The following DGLUCY variants were observed in gnomAD, a reference collection of about 807,000 sequenced individuals.
DGLUCY encodes D-glutamate cyclase, mitochondrial.
In DGLUCY, 58 loss-of-function variants were observed where a neutral mutation model predicts 58.5. That is an observed-to-expected ratio of 0.99 (90% CI 0.80 to 1.23). The LOEUF is 1.23. Among genes scored for constraint, DGLUCY ranks in the 50% most tolerant of loss-of-function variants. The probability of loss-of-function intolerance (pLI) is 0.00; values close to 1 mark genes in which losing one functional copy is unlikely to be tolerated. For synonymous variants in DGLUCY, 325 were observed against 314.1 expected, an observed-to-expected ratio of 1.03 and a Z score of -0.37; for missense variants, 779 against 784.7, an observed-to-expected ratio of 0.99 and a Z score of 0.09.
intron 1 of DGLUCY, among the ~76,000 whole-genome samples, chr14:91,120,117 G>A (rs982933789): frequency 3.9e-5 from 6 of 152,040 alleles, no homozygotes; most frequent in African/African-American, 1.2e-4. Context: ...TAAACTCCTC[G>A]TCATGTTAGT....
intron 1 of DGLUCY, among the ~76,000 whole-genome samples, chr14:91,122,717 C>T (rs2045458819): frequency 6.6e-6 from 1 of 150,852 alleles, no homozygotes; most frequent in Non-Finnish European, 1.5e-5. Context: ...ATTCTCCTGC[C>T]TCAGCCTCCT....
chr14:91,210,553 T>G (rs115015769), intron 12 of DGLUCY, among the ~76,000 whole-genome samples: 1,646 of 152,094 alleles, frequency 0.011, 33 homozygotes, highest in African/African-American at 0.038. Context: ...ATAAAATAAT[T>G]TTTTAATAAA....
At chr14:91,177,079 G>A (rs571715773) in intron 7 of DGLUCY, among the ~76,000 whole-genome samples, 1 of 152,042 alleles carries the variant, frequency 6.6e-6, no homozygotes, top group East Asian at 1.9e-4. Context: ...GCTCACTGCA[G>A]CCTCAAACCT....
At position 91,199,958 on chromosome 14, in the gene DGLUCY, TTTG is replaced by T. The variant is rs370074457; in HGVS notation, c.1444+68_1444+70del. 4.4e-4 allele frequency: 713 copies of T among 1,604,384 alleles called. 3 individuals are homozygous for T. The highest frequency in any genetic ancestry group is 1.5e-3 in the Middle Eastern group (9 of 6,022). On this transcript the variant is annotated intron_variant, in intron 11 of 13. Transcript: ENST00000256324. ...AAGAACGTGGCCCCATGAAGTGTCT[TTTG>T]TTGTTGTTGTTGTTATGGAGTCTTG...
At chr14:91,153,685 C>CT (rs2047445640) in intron 1 of DGLUCY, among the ~76,000 whole-genome samples, 2 of 152,342 alleles carry the variant, frequency 1.3e-5, no homozygotes, top group Admixed American at 1.3e-4. Context: ...GTGATGAGCA[C>CT]TGCCTGCTCA....
At chr14:91,223,795 T>A (rs1466488258) in intron 13 of DGLUCY, 29 of 1,005,776 alleles carry the variant, frequency 2.9e-5, no homozygotes, top group Non-Finnish European at 3.7e-5. Flanking sequence ...GTGCTTTGCT[T>A]GTACGTAATC....
At chr14:91,185,181 C>A (rs1381125958) in intron 8 of DGLUCY, among the ~76,000 whole-genome samples, 2 of 150,290 alleles carry the variant, frequency 1.3e-5, no homozygotes, top group Non-Finnish European at 3.0e-5. Flanking sequence ...GTTGGCCAGG[C>A]TTGTCTCGAA....
intron 12 of DGLUCY, among the ~76,000 whole-genome samples, chr14:91,206,450 T>C (rs944327152): frequency 1.3e-5 from 2 of 152,012 alleles, no homozygotes; most frequent in Non-Finnish European, 2.9e-5. Context: ...TGGCACGATC[T>C]CAGCTCACTG....
chr14:91,171,724 G>A (rs1404910514), intron 5 of DGLUCY, among the ~76,000 whole-genome samples: 2 of 152,244 alleles, frequency 1.3e-5, no homozygotes, highest in Non-Finnish European at 2.9e-5. Flanking sequence ...CTCTATTGCA[G>A]GCACCAGAAA....
intron 12 of DGLUCY, among the ~76,000 whole-genome samples, chr14:91,205,930 C>T (rs550926114): frequency 1.4e-5 from 2 of 145,916 alleles, no homozygotes; most frequent in East Asian, 4.1e-4. Flanking sequence ...ACCTCCGCCT[C>T]CCGGGTTAAA....
chr14:91,145,454 A>G (rs1448265284), intron 1 of DGLUCY: 1 of 152,254 alleles, frequency 6.6e-6, no homozygotes. Flanking sequence ...CACTATGCCC[A>G]GAGACACTGA....
At chr14:91,134,672 A>G (rs544141955) in intron 1 of DGLUCY, among the ~76,000 whole-genome samples, 2 of 152,234 alleles carry the variant, frequency 1.3e-5, no homozygotes, top group South Asian at 4.1e-4. Context: ...TCCTGACCTC[A>G]GATGATCCAC....
chr14:91,200,776 A>G (rs2050504367), intron 11 of DGLUCY, among the ~76,000 whole-genome samples: 1 of 152,098 alleles, frequency 6.6e-6, no homozygotes, highest in Admixed American at 6.6e-5. Flanking sequence ...GAGTCCACAA[A>G]CAGGCTTTGT....
intron 8 of DGLUCY, among the ~76,000 whole-genome samples, chr14:91,188,346 G>A (rs886506051): frequency 2.6e-5 from 4 of 152,198 alleles, no homozygotes; most frequent in African/African-American, 4.8e-5. Flanking sequence ...CCAATCTCGC[G>A]GCCACACCAG....
intron 1 of DGLUCY, among the ~76,000 whole-genome samples, chr14:91,151,655 TTTC>T (rs1566968587): frequency 2.0e-5 from 3 of 150,560 alleles, no homozygotes; most frequent in African/African-American, 7.4e-5. Context: ...TTTCTTTTCT[TTTC>T]TTTTTTTTTT....
intron 10 of DGLUCY, 106 bp downstream of exon 10, chr14:91,196,580 A>G: frequency 1.1e-6 from 1 of 907,118 alleles, no homozygotes; most frequent in African/African-American, 1.7e-5. Context: ...AGAGGGAGCG[A>G]AGCCATGAGC....
Position 91,201,021 on chromosome 14 carries a change from C to G in DGLUCY, c.1444+1116C>G, listed in dbSNP as rs181965932. Among the ~76,000 whole-genome samples, 1,107 of 151,728 alleles carry G rather than the reference C, an allele frequency of 7.3e-3. 9 individuals carry two copies. The highest frequency in any genetic ancestry group is 0.011 in the Non-Finnish European group (771 of 67,952). ...GGGAGGATATTACAAAGTACCTTCT[C>G]AAGGGTGGGGAGGGTGTATCTTACA... On this transcript the variant is annotated intron_variant, in intron 11 of 13. Coordinates refer to ENST00000256324, the MANE Select transcript of DGLUCY (RefSeq NM_001102368.3).
At chr14:91,223,859 C>G in intron 13 of DGLUCY, 1 of 413,054 alleles carries the variant, frequency 2.4e-6, no homozygotes, top group Non-Finnish European at 4.2e-6. Flanking sequence ...ATCACCCTCC[C>G]CATTTTACAG....
rs1033590942 is a variant in DGLUCY, at chr14:91,114,104, C to T, written c.-261C>T. The T allele has an allele frequency of 3.9e-5, 6 of 152,320 alleles. No individual in the cohort carries two copies. Among genetic ancestry groups the T allele is most frequent in the African/African-American group, 1.4e-4 (6 of 41,456 alleles). 9.4% of individuals were successfully genotyped at this position (152,320 alleles called of 1,614,324 possible). ...TGGGAGCGGATGGAGCTGCTACAGT[C>T]AGCGCTTGGGGCTGGCCTCAGCTTG... On this transcript the variant is annotated 5_prime_UTR_variant, in exon 1 of 14. Transcript: ENST00000256324.
Sources: allele counts gnomAD v4.1 joint callset (sites outside exome capture counted in the v4.1 genomes callset), GRCh38; gene constraint gnomAD v4.1.1; transcripts MANE v1.5; gene names NCBI Gene and HGNC (gene_info 2026-07-23, HGNC 2026-07-21).